Variants in ZSCAN21 observed in about 807,000 individuals in gnomAD.
ZSCAN21 encodes the protein zinc finger and SCAN domain containing 21.
Under a neutral mutation model 35.6 loss-of-function variants are expected in ZSCAN21, and 26 were observed. The ratio of observed to expected loss-of-function variants is 0.73; its 90% confidence interval spans 0.54 to 1.01. The LOEUF (loss-of-function observed/expected upper bound fraction) is 1.01, where lower values mean the gene tolerates loss of function less well. Ranked by LOEUF, ZSCAN21 falls within the 50% of genes least tolerant of loss-of-function variation. ZSCAN21 has a pLI of 0.00. For missense variants in ZSCAN21, 593 were observed against 587.1 expected (o/e 1.01, Z -0.10); for synonymous variants, 219 against 219.3 (o/e 1.00, Z 0.01).
Position 100,064,092 on chromosome 7 carries a change from C to G in ZSCAN21, c.897C>G (p.His299Gln). 1 of 1,614,190 alleles carries G rather than the reference C, an allele frequency of 6.2e-7. No individual in the cohort carries two copies. Among genetic ancestry groups the G allele is most frequent in the East Asian group, 2.2e-5 (1 of 44,882 alleles). ...SSNLTKHRRT[H>Q]TGEKPYVCTK... ...ATCTCACCAAACACAGGAGAACACACACTGGGGAGAAACCTTACGTGTGCA... is the reference window on the plus strand; with the variant it reads ...ATCTCACCAAACACAGGAGAACACAGACTGGGGAGAAACCTTACGTGTGCA... Residue 299 changes from histidine (H) to glutamine (Q), a missense_variant, in exon 4 of 4, where the codon CAC becomes CAG. Physicochemically the swap from His to Gln is conservative, Grantham distance 24. Transcript: ENST00000292450.
At chr7:100,053,030 G>A (rs975603621) in intron 1 of ZSCAN21, among the ~76,000 whole-genome samples, 3 of 151,512 alleles carry the variant, frequency 2.0e-5, no homozygotes, top group Admixed American at 6.6e-5. Context: ...GGAGGCTGAG[G>A]CATGAGAATA....
chr7:100,063,495 T>C (rs1355827834), intron 3 of ZSCAN21, among the ~76,000 whole-genome samples: 3 of 151,732 alleles, frequency 2.0e-5, no homozygotes, highest in African/African-American at 7.3e-5. Flanking sequence ...CCAGCTACTC[T>C]GGAGGCTGAG....
chr7:100,053,791 C>A (rs900840005), intron 1 of ZSCAN21, among the ~76,000 whole-genome samples: 5 of 151,886 alleles, frequency 3.3e-5, no homozygotes, highest in African/African-American at 1.2e-4. Context: ...ACATGTGGCC[C>A]TAAAGAACCA....
At chr7:100,059,896 GACAGGGTTTC>G (rs1371822581) in intron 3 of ZSCAN21, among the ~76,000 whole-genome samples, 1 of 152,112 alleles carries the variant, frequency 6.6e-6, no homozygotes, top group Non-Finnish European at 1.5e-5. Flanking sequence ...TTTTGGTAGA[GACAGGGTTTC>G]ACCATGTTGG....
chr7:100,049,996 G>T (rs1791800443), intron 1 of ZSCAN21, among the ~76,000 whole-genome samples, 155 bp downstream of exon 1: 1 of 152,162 alleles, frequency 6.6e-6, no homozygotes, highest in Non-Finnish European at 1.5e-5. Context: ...CCTCGTCCCC[G>T]CCCAGGACCA....
chr7:100,060,314 A>G (rs1284245711), intron 3 of ZSCAN21, among the ~76,000 whole-genome samples: 3 of 152,234 alleles, frequency 2.0e-5, no homozygotes, highest in Non-Finnish European at 1.5e-5. Context: ...CGGTCATCCC[A>G]GCACTTTGGG....
chr7:100,064,888 GTAGT>G lies in ZSCAN21; in HGVS notation c.*274_*277del, dbSNP rs56833874. On this transcript the variant is annotated 3_prime_UTR_variant, in exon 4 of 4. Coordinates refer to ENST00000292450, the MANE Select transcript of ZSCAN21 (RefSeq NM_145914.3). ...AAGCCATGCCAGCATTACCTTTTGC[GTAGT>G]TAAACAGACGTGTATCCAGTCTAGT... is the stretch of plus-strand genomic sequence containing the variant. 447,522 of 1,613,490 alleles carry G rather than the reference GTAGT, an allele frequency of 0.28. 63,574 individuals are homozygous for G. The highest frequency in any genetic ancestry group is 0.38 in the East Asian group (17,202 of 44,836).
Position 100,064,403 on chromosome 7 carries a change from TCAGCTCC to T in ZSCAN21, c.1211_1217del (p.Ser404ThrfsTer80). ...AAGAGCTTCAGTCAGCATGCGGGCCTCAGCTCCCACCAGAGACTCCACACCGGAGAGA... is the reference window on the plus strand; with the variant it reads ...AAGAGCTTCAGTCAGCATGCGGGCCTCACCAGAGACTCCACACCGGAGAGA... On this transcript the variant is annotated frameshift_variant, in exon 4 of 4. Coordinates refer to ENST00000292450, the MANE Select transcript of ZSCAN21 (RefSeq NM_145914.3). LOFTEE classifies it high-confidence loss of function. 6.2e-7 allele frequency: 1 copy of T among 1,604,154 alleles called. No individual in the cohort carries two copies. Among genetic ancestry groups the T allele is most frequent in the Non-Finnish European group, 8.5e-7 (1 of 1,175,632 alleles).
chr7:100,063,292 A>G (rs368601062), intron 3 of ZSCAN21, among the ~76,000 whole-genome samples: 126 of 152,258 alleles, frequency 8.3e-4, no homozygotes, highest in African/African-American at 2.8e-3. Context: ...TCGGGTGGGG[A>G]ATTGTGTGAA....
At chr7:100,061,276 C>T (rs1488892713) in intron 3 of ZSCAN21, among the ~76,000 whole-genome samples, 2 of 152,168 alleles carry the variant, frequency 1.3e-5, no homozygotes, top group South Asian at 2.1e-4. Flanking sequence ...AATCCCAGCA[C>T]TTTGGGAGGC....
chr7:100,054,957 C>CT lies in ZSCAN21; in HGVS notation c.-96-1938dup, dbSNP rs10596959. On this transcript the variant is annotated intron_variant, in intron 1 of 3. Coordinates refer to ENST00000292450, the MANE Select transcript of ZSCAN21 (RefSeq NM_145914.3). ...TGTCAGAAAACTACTTATGATCTCT[C>CT]TTTTTTTTTTTTTTTTGAGACTGAG... Among the ~76,000 whole-genome samples, 482 of 132,398 alleles carry CT rather than the reference C, an allele frequency of 3.6e-3. 5 individuals are homozygous for CT. The highest frequency in any genetic ancestry group is 0.013 in the East Asian group (57 of 4,384). The allele number at this position is 132,398 out of a possible 152,430, so 86.9% of individuals were successfully genotyped here.
At chr7:100,063,716 ATC>A (rs1213107502) in intron 3 of ZSCAN21, 70 bp from the exon 4 acceptor site, 2 of 1,437,508 alleles carry the variant, frequency 1.4e-6, no homozygotes, top group African/African-American at 1.4e-5. Flanking sequence ...TGATGGTTCT[ATC>A]TCTCTGGTAA....
rs866028496 is a variant in ZSCAN21, at chr7:100,064,886, G to A, written c.*269G>A. ...GTAAGCCATGCCAGCATTACCTTTTGCGTAGTTAAACAGACGTGTATCCAG... is the reference window on the plus strand; with the variant it reads ...GTAAGCCATGCCAGCATTACCTTTTACGTAGTTAAACAGACGTGTATCCAG... On this transcript the variant is annotated 3_prime_UTR_variant, in exon 4 of 4. Transcript: ENST00000292450. The A allele has an allele frequency of 3.1e-5, 50 of 1,602,236 alleles. No homozygotes were observed. The highest frequency in any genetic ancestry group is 4.2e-5 in the Non-Finnish European group (49 of 1,174,460).
At position 100,063,811 on chromosome 7, in the gene ZSCAN21, G is replaced by T; in HGVS notation, c.616G>T (p.Glu206Ter). 1 of 1,610,968 alleles carries T rather than the reference G, an allele frequency of 6.2e-7. No homozygotes were observed. Among genetic ancestry groups the T allele is most frequent in the Non-Finnish European group, 8.5e-7 (1 of 1,178,906 alleles). ...VRDCRLSTQH[E>*]ESADEQKGSE... ...AGATTGCAGATTGAGTACCCAGCACGAGGAATCAGCAGATGAGCAGAAAGG... is the reference window on the plus strand; with the variant it reads ...AGATTGCAGATTGAGTACCCAGCACTAGGAATCAGCAGATGAGCAGAAAGG... Residue 206 changes from glutamate to a stop codon, truncating the protein, a stop_gained, in exon 4 of 4, where the codon GAG (glutamate) becomes TAG (stop). Transcript: ENST00000292450. LOFTEE classifies it high-confidence loss of function.
chr7:100,051,407 C>T (rs962684857), intron 1 of ZSCAN21: 1 of 147,662 alleles, frequency 6.8e-6, no homozygotes, highest in African/African-American at 2.5e-5. Context: ...CATTCTCCTG[C>T]CTCAGCCTCC....
rs143575600 is a variant in ZSCAN21, at chr7:100,050,004, CCA to C, written c.-97+164_-97+165del. 3.4e-3 allele frequency among the ~76,000 whole-genome samples: 522 copies of C among 152,314 alleles called. 3 individuals are homozygous for C. The highest frequency in any genetic ancestry group is 0.012 in the African/African-American group (487 of 41,582). On this transcript the variant is annotated intron_variant, in intron 1 of 3. Coordinates refer to ENST00000292450, the MANE Select transcript of ZSCAN21 (RefSeq NM_145914.3). ...AGGAGCTCCTCGTCCCCGCCCAGGA[CCA>C]GCTGGTGGGGGCGCTGGCTGCCTGG... is the stretch of plus-strand genomic sequence containing the variant.
At chr7:100,058,318 A>C (rs1245576209) in intron 3 of ZSCAN21, among the ~76,000 whole-genome samples, 1 of 152,170 alleles carries the variant, frequency 6.6e-6, no homozygotes, top group Non-Finnish European at 1.5e-5. Flanking sequence ...ATAGTCATGG[A>C]GGAGGGGGTC....
chr7:100,054,530 G>A (rs1451010791), intron 1 of ZSCAN21, among the ~76,000 whole-genome samples: 5 of 152,082 alleles, frequency 3.3e-5, no homozygotes, highest in African/African-American at 1.2e-4. Context: ...GATTACAGGC[G>A]TGAGTCACCG....
At chr7:100,054,407 G>A (rs1026288452) in intron 1 of ZSCAN21, among the ~76,000 whole-genome samples, 1 of 151,384 alleles carries the variant, frequency 6.6e-6, no homozygotes, top group African/African-American at 2.4e-5. Flanking sequence ...CTGTCACCAC[G>A]CCCGGCTAAT....
Sources: allele counts gnomAD v4.1 joint callset (sites outside exome capture counted in the v4.1 genomes callset), GRCh38; gene constraint gnomAD v4.1.1; transcripts MANE v1.5; gene names NCBI Gene and HGNC (gene_info 2026-07-23, HGNC 2026-07-21).